SNTG2: variants seen among roughly 807,000 people sequenced by gnomAD.
SNTG2 encodes the protein syntrophin gamma 2.
SNTG2 carries 74 observed loss-of-function variants against 70.9 expected under a neutral mutation model. The observed-to-expected ratio is 1.04, with a 90% CI of 0.86 to 1.27. The LOEUF (loss-of-function observed/expected upper bound fraction) is 1.27. Among genes scored for constraint, SNTG2 ranks in the 50% most tolerant of loss-of-function variants. The pLI is 0.00. For missense variants in SNTG2, 717 were observed against 690.7 expected (o/e 1.04, Z -0.43); for synonymous variants, 278 against 273.8 (o/e 1.02, Z -0.15).
chr2:1,103,680 G>A (rs12998054), intron 4 of SNTG2, among the ~76,000 whole-genome samples: 58,259 of 152,034 alleles, frequency 0.38, 12,599 homozygotes, highest in Non-Finnish European at 0.5. Context: ...GAGCCACCGC[G>A]CCTGGCCATG....
intron 12 of SNTG2, 41 bp from the exon 13 acceptor site, chr2:1,259,329 T>G (rs1000498527): frequency 1.9e-6 from 3 of 1,594,142 alleles, no homozygotes; most frequent in Middle Eastern, 1.7e-4. Flanking sequence ...CAACTAAAAG[T>G]AGCATGCTGC....
chr2:1,217,611 T>C (rs1674482763), intron 9 of SNTG2, among the ~76,000 whole-genome samples: 3 of 152,176 alleles, frequency 2.0e-5, no homozygotes, highest in Non-Finnish European at 2.9e-5. Context: ...AGCATAACCA[T>C]GCGATCCTGA....
rs551565004 is a variant in SNTG2 at position 1,159,380 on chromosome 2, G to A, written c.412-6168G>A. The A allele has an allele frequency of 2.6e-4, 39 of 152,004 alleles. 1 individual carries two copies. The highest frequency in any genetic ancestry group is 8.7e-4 in the African/African-American group (36 of 41,446). The allele number at this position is 152,004 out of a possible 1,614,324, so 9.4% of individuals were successfully genotyped here. On this transcript the variant is annotated intron_variant, in intron 6 of 16. Transcript: ENST00000308624. ...ACGTGGGGCATTAACAATTATTTAGGCCACAAGGAACCCAAGAAGAAACGC... is the reference window on the plus strand; with the variant it reads ...ACGTGGGGCATTAACAATTATTTAGACCACAAGGAACCCAAGAAGAAACGC...
At chr2:1,267,688 C>A in intron 14 of SNTG2, 117 bp downstream of exon 14, 1 of 929,814 alleles carries the variant, frequency 1.1e-6, no homozygotes, top group East Asian at 2.6e-5. Context: ...AGGTGAGAAT[C>A]TTTCACCGGA....
At chr2:1,229,010 T>G (rs2148069339) in intron 9 of SNTG2, among the ~76,000 whole-genome samples, 1 of 152,196 alleles carries the variant, frequency 6.6e-6, no homozygotes, top group East Asian at 1.9e-4. Context: ...CTCTCTGGCT[T>G]CAGGAGTGAA....
At chr2:1,260,221 G>A (rs1377398624) in intron 13 of SNTG2, among the ~76,000 whole-genome samples, 3 of 152,110 alleles carry the variant, frequency 2.0e-5, no homozygotes, top group African/African-American at 7.2e-5. Context: ...AGTTTGGTTT[G>A]TTTTCTTAAA....
At position 1,058,570 on chromosome 2, in the gene SNTG2, C is replaced by T. The variant is rs141402417; in HGVS notation, c.73-24948C>T. Reference sequence around the variant, plus strand: ...ATAGATGCAAAAATCCTAGTGTCTCCTCAGCTGCTGCTGTCTGCTTTTGTC... The same window carrying T: ...ATAGATGCAAAAATCCTAGTGTCTCTTCAGCTGCTGCTGTCTGCTTTTGTC... On this transcript the variant is annotated intron_variant, in intron 1 of 16. Transcript: ENST00000308624. Among the ~76,000 whole-genome samples, 191 of 152,326 alleles carry T rather than the reference C, an allele frequency of 1.3e-3. 2 individuals are homozygous for T. Among genetic ancestry groups the T allele is most frequent in the African/African-American group, 4.5e-3 (188 of 41,566 alleles).
At chr2:1,238,979 T>G (rs1302232918) in intron 10 of SNTG2, among the ~76,000 whole-genome samples, 1 of 152,158 alleles carries the variant, frequency 6.6e-6, no homozygotes, top group Non-Finnish European at 1.5e-5. Flanking sequence ...TGTGTGACAT[T>G]TCTCCTGTGA....
intron 1 of SNTG2, among the ~76,000 whole-genome samples, chr2:993,475 G>A (rs1185902601): frequency 6.6e-6 from 1 of 152,112 alleles, no homozygotes; most frequent in African/African-American, 2.4e-5. Context: ...ATATTTATGT[G>A]ATTTTGAATG....
intron 1 of SNTG2, among the ~76,000 whole-genome samples, chr2:960,179 C>T (rs1354121049): frequency 6.6e-6 from 1 of 152,158 alleles, no homozygotes; most frequent in African/African-American, 2.4e-5. Context: ...GCCCTTCTGT[C>T]TGGAAAGCAG....
At chr2:977,615 T>A (rs1660950661) in intron 1 of SNTG2, among the ~76,000 whole-genome samples, 1 of 152,188 alleles carries the variant, frequency 6.6e-6, no homozygotes, top group African/African-American at 2.4e-5. Context: ...CAATGGTCCA[T>A]CTTGCCTGTG....
chr2:1,356,845 T>A (rs1660878228), intron 16 of SNTG2, among the ~76,000 whole-genome samples: 1 of 152,186 alleles, frequency 6.6e-6, no homozygotes, highest in Non-Finnish European at 1.5e-5. Context: ...CTTGCAATAG[T>A]GCATTATAGT....
intron 13 of SNTG2, among the ~76,000 whole-genome samples, chr2:1,264,418 T>A (rs1326961432): frequency 6.6e-6 from 1 of 152,204 alleles, no homozygotes; most frequent in African/African-American, 2.4e-5. Context: ...TTGTGTACCT[T>A]CCCTCCTTCG....
In SNTG2 at chr2:1,353,594, G is replaced by A. The variant is rs1021714004; in HGVS notation, c.1489-13749G>A. ...CGTCAGTGACAGAGGAGTGGCCTGC[G>A]GTGAAAGGCAGCCTGAGTTCAGATT... is the stretch of plus-strand genomic sequence containing the variant. On this transcript the variant is annotated intron_variant, in intron 16 of 16. Coordinates refer to ENST00000308624, the MANE Select transcript of SNTG2 (RefSeq NM_018968.4). This position sits in a 1 kb window ranked among gnomAD's most constrained non-coding sequence, Gnocchi z 4.2. The A allele has an allele frequency of 2.6e-5, 4 of 152,212 alleles. No individual in the cohort carries two copies. The highest frequency in any genetic ancestry group is 6.5e-5 in the Admixed American group (1 of 15,282). 9.4% of individuals were successfully genotyped at this position (152,212 alleles called of 1,614,324 possible).
chr2:1,015,184 A>G (rs1418485032), intron 1 of SNTG2, among the ~76,000 whole-genome samples: 1 of 152,084 alleles, frequency 6.6e-6, no homozygotes. Context: ...TGTCCGAGGT[A>G]GAGATGTGGG....
At chr2:970,573 C>T (rs1007848126) in intron 1 of SNTG2, among the ~76,000 whole-genome samples, 2 of 144,028 alleles carry the variant, frequency 1.4e-5, no homozygotes, top group Admixed American at 7.0e-5. Flanking sequence ...CCAATTTCAT[C>T]CATGTCCCTA....
chr2:1,364,104 G>A (rs1661344223), intron 16 of SNTG2, among the ~76,000 whole-genome samples: 1 of 151,734 alleles, frequency 6.6e-6, no homozygotes, highest in South Asian at 2.1e-4. Context: ...CCAAGTAGCT[G>A]TGATTACAGG....
rs866572795 is a variant in SNTG2, at chr2:1,038,897, C to T, written c.73-44621C>T. Among the ~76,000 whole-genome samples the T allele has an allele frequency of 2.6e-5, 4 of 152,318 alleles. No homozygotes were observed. In the Middle Eastern group the frequency reaches 0.01, roughly 389 times the overall value. ...CCACTGCCTGTTTTTCATCCTTTTCCACCTGCAGTTTATTCTTCCCAAGTG... is the reference window on the plus strand; with the variant it reads ...CCACTGCCTGTTTTTCATCCTTTTCTACCTGCAGTTTATTCTTCCCAAGTG... On this transcript the variant is annotated intron_variant, in intron 1 of 16. Transcript: ENST00000308624.
intron 1 of SNTG2, among the ~76,000 whole-genome samples, chr2:969,247 T>G (rs748158841): frequency 6.6e-6 from 1 of 152,226 alleles, no homozygotes; most frequent in Non-Finnish European, 1.5e-5. Flanking sequence ...ACCTGTACCA[T>G]GCTGTTTTGG....
Sources: allele counts gnomAD v4.1 joint callset (sites outside exome capture counted in the v4.1 genomes callset), GRCh38; gene constraint gnomAD v4.1.1; non-coding constraint Gnocchi (gnomAD v3.1); transcripts MANE v1.5; gene names NCBI Gene and HGNC (gene_info 2026-07-23, HGNC 2026-07-21).